LAMA1: variants seen among roughly 807,000 people sequenced by gnomAD.
LAMA1 encodes the protein laminin subunit alpha-1.
Under a neutral mutation model 348.7 loss-of-function variants are expected in LAMA1, and 219 were observed. The ratio of observed to expected loss-of-function variants is 0.63; its 90% CI spans 0.56 to 0.70. The LOEUF is 0.70. Ranked by LOEUF, LAMA1 falls within the 30% of genes least tolerant of loss-of-function variation. The pLI is 0.00. For synonymous variants in LAMA1, 1,487 were observed against 1,491.0 expected, an observed-to-expected ratio of 1.00 and a Z score of 0.06; for missense variants, 3,744 against 3,888.0, an observed-to-expected ratio of 0.96 and a Z score of 0.99.
chr18:7,008,176 G>C (rs2057841973), intron 28 of LAMA1, among the ~76,000 whole-genome samples: 1 of 152,080 alleles, frequency 6.6e-6, no homozygotes, highest in Non-Finnish European at 1.5e-5. Flanking sequence ...ACTGGGGAGA[G>C]AGGAAATGGG....
intron 1 of LAMA1, among the ~76,000 whole-genome samples, chr18:7,080,971 A>G (rs1406172065): frequency 6.6e-6 from 1 of 152,216 alleles, no homozygotes; most frequent in African/African-American, 2.4e-5. Context: ...CTGGCTTCCA[A>G]TGATATGCCA....
At chr18:7,042,094 C>CCA (rs762380319) in intron 9 of LAMA1, 51 bp downstream of exon 9, 28 of 1,239,232 alleles carry the variant, frequency 2.3e-5, no homozygotes, top group East Asian at 9.7e-5. Flanking sequence ...TGCAAATCTT[C>CCA]CACACACACA....
At chr18:7,024,600 C>A in intron 17 of LAMA1, 134 bp from the exon 18 acceptor site, 1 of 735,562 alleles carries the variant, frequency 1.4e-6, no homozygotes, top group Non-Finnish European at 2.4e-6. Context: ...GAATCCGGGG[C>A]CTCTGGTCAC....
rs569078133 is a variant in LAMA1, at chr18:6,994,628, T to G, written c.4896+729A>C. ...GTTTGTGTATGTGTGCATGTGTTGA[T>G]GGAGATTAGACATCCATATGTATAG... On this transcript the variant is annotated intron_variant, in intron 34 of 62. Transcript: ENST00000389658. 1.9e-4 allele frequency among the ~76,000 whole-genome samples: 29 copies of G among 151,834 alleles called. 1 individual carries two copies. Among genetic ancestry groups the G allele is most frequent in the Admixed American group, 1.8e-3 (28 of 15,234 alleles).
At chr18:7,068,945 T>G (rs918312693) in intron 3 of LAMA1, among the ~76,000 whole-genome samples, 1 of 152,126 alleles carries the variant, frequency 6.6e-6, no homozygotes, top group Non-Finnish European at 1.5e-5. Flanking sequence ...CCCATAAATA[T>G]ACAAAAATCT....
Position 6,971,859 on chromosome 18 carries a change from T to C in LAMA1, c.6897A>G (p.Gly2299=). Residue 2299 remains glycine, a splice_region_variant and synonymous_variant, in exon 48 of 63, where the codon GGA becomes GGG. Transcript: ENST00000389658. ...GCTAAACCGTGACGACATCTTACCT[T>C]CCGAAGCACCCACGGCACTTGCCTT... ...EREGKCRGCF[G]SSQNEDPSFH... 1 of 1,614,092 alleles carries C rather than the reference T, an allele frequency of 6.2e-7. No individual in the cohort carries two copies. The highest frequency in any genetic ancestry group is 8.5e-7 in the Non-Finnish European group (1 of 1,180,004).
At chr18:7,048,942 G>C in intron 5 of LAMA1, 136 bp downstream of exon 5, 1 of 824,278 alleles carries the variant, frequency 1.2e-6, no homozygotes, top group South Asian at 1.6e-5. Context: ...ATGAAATAAG[G>C]ATACAGCTGC....
chr18:7,097,639 C>G (rs1047640649), intron 1 of LAMA1, among the ~76,000 whole-genome samples: 4 of 151,652 alleles, frequency 2.6e-5, no homozygotes, highest in African/African-American at 9.7e-5. Context: ...TACTATAAAG[C>G]CAAAGAAGTC....
intron 53 of LAMA1, 91 bp from the exon 54 acceptor site, chr18:6,959,583 T>C (rs2057597800): frequency 7.4e-7 from 1 of 1,343,138 alleles, no homozygotes; most frequent in African/African-American, 1.4e-5. Flanking sequence ...GTGAGAAGAT[T>C]AACATCAAGT....
At chr18:6,952,368 T>C (rs1053847363) in intron 57 of LAMA1, among the ~76,000 whole-genome samples, 1 of 152,028 alleles carries the variant, frequency 6.6e-6, no homozygotes, top group Non-Finnish European at 1.5e-5. Context: ...GACCGGATGG[T>C]TAAACGAGGA....
rs1223532365 is a variant in LAMA1 at position 6,978,366 on chromosome 18, T to C, written c.6020A>G (p.Lys2007Arg). Reference sequence around the variant, plus strand: ...GGCCAGCTCTTTGGTTTTGGCTCCCTTGTCTCTTATACCTAAAATAAATGT... The same window carrying C: ...GGCCAGCTCTTTGGTTTTGGCTCCCCTGTCTCTTATACCTAAAATAAATGT... ...LRAIPKGIRD[K>R]GAKTKELATS... The change falls in exon 43 of 63, where the codon AAG becomes AGG. Residue 2007 changes from lysine to arginine, a missense_variant. Transcript: ENST00000389658. The C allele has an allele frequency of 1.9e-6, 3 of 1,613,994 alleles. No individual in the cohort carries two copies. The East Asian group carries it at 6.7e-5, about 36-fold the overall frequency.
chr18:7,003,277 G>A (rs997625167), intron 29 of LAMA1, among the ~76,000 whole-genome samples: 63 of 149,622 alleles, frequency 4.2e-4, no homozygotes, highest in Admixed American at 6.6e-4. Flanking sequence ...TTGAGACAGA[G>A]TCTCGCTCTG....
chr18:6,965,820 G>A (rs1042791448), intron 49 of LAMA1: 1 of 406,952 alleles, frequency 2.5e-6, no homozygotes, highest in Non-Finnish European at 4.5e-6. Context: ...CAATGTCACG[G>A]TGGTCACAGT....
chr18:7,114,655 C>T (rs904870065), intron 1 of LAMA1, among the ~76,000 whole-genome samples: 2 of 152,120 alleles, frequency 1.3e-5, no homozygotes, highest in African/African-American at 4.8e-5. Context: ...CTAAAACACA[C>T]GTTATGTCCC....
In LAMA1 at chr18:6,947,235, C is replaced by T. The variant is rs200288446; in HGVS notation, c.8772G>A (p.Ser2924=). 8.5e-5 allele frequency: 138 copies of T among 1,614,128 alleles called. 3 individuals are homozygous for T. Among genetic ancestry groups the T allele is most frequent in the Admixed American group, 8.2e-4 (49 of 60,022 alleles). Reference sequence around the variant, plus strand: ...TGATCCCCAGGAGGACGCCATTCTGCGAGGAGGTTCGAAACTCCAGTGTGA... The same window carrying T: ...TGATCCCCAGGAGGACGCCATTCTGTGAGGAGGTTCGAAACTCCAGTGTGA... ...VNITLEFRTS[S]QNGVLLGIST... Residue 2924 remains serine (S), a synonymous_variant, in exon 61 of 63, where the codon TCG becomes TCA. Transcript: ENST00000389658.
chr18:7,109,278 C>A (rs753083066), intron 1 of LAMA1, among the ~76,000 whole-genome samples: 74 of 152,286 alleles, frequency 4.9e-4, no homozygotes, highest in African/African-American at 1.8e-3. Flanking sequence ...TGCCCTCCGG[C>A]TACTAATGAC....
At chr18:6,975,865 T>C (rs1386254553) in intron 45 of LAMA1, 72 bp downstream of exon 45, 1 of 1,592,440 alleles carries the variant, frequency 6.3e-7, no homozygotes, top group Non-Finnish European at 8.6e-7. Context: ...TTTCGTCAAA[T>C]AAGTGAAAAT....
At chr18:7,038,613 G>A (rs2058006628) in intron 11 of LAMA1, 197 bp downstream of exon 11, 1 of 700,116 alleles carries the variant, frequency 1.4e-6, no homozygotes, top group Non-Finnish European at 2.5e-6. Context: ...ATAGAGAAAT[G>A]TGTGTGGGAG....
rs145856205 is a variant in LAMA1 at position 6,956,681 on chromosome 18, G to C, written c.8049C>G (p.Pro2683=). 1 of 1,614,006 alleles carries C rather than the reference G, an allele frequency of 6.2e-7. No individual in the cohort carries two copies. Among genetic ancestry groups the C allele is most frequent in the Non-Finnish European group, 8.5e-7 (1 of 1,180,042 alleles). The change falls in exon 56 of 63, where the codon CCC becomes CCG. Residue 2683 remains proline, a synonymous_variant. Coordinates refer to ENST00000389658, the MANE Select transcript of LAMA1 (RefSeq NM_005559.4). ...CWLSERPKLA[P]DAEDSKLLPE... ...GCAAGAGCTTGCTGTCCTCTGCATC[G>C]GGAGCCAGCTTAGGCCTTTCTGACA...
Sources: allele counts gnomAD v4.1 joint callset (sites outside exome capture counted in the v4.1 genomes callset), GRCh38; gene constraint gnomAD v4.1.1; transcripts MANE v1.5; gene names NCBI Gene and HGNC (gene_info 2026-07-23, HGNC 2026-07-21).